Variants in BTN1A1 observed in about 807,000 individuals in gnomAD.
BTN1A1 encodes butyrophilin subfamily 1 member A1, also known as bK14H9.2 (butyrophilin, subfamily 1, member A1).
Under a neutral mutation model 33.1 loss-of-function variants are expected in BTN1A1, and 26 were observed. The observed-to-expected ratio is 0.79, with a 90% CI of 0.58 to 1.09. The LOEUF is 1.09. Ranked by LOEUF, BTN1A1 falls within the 50% of genes least tolerant of loss-of-function variation. BTN1A1 has a pLI of 0.00. For missense variants in BTN1A1, 558 were observed against 655.7 expected, an observed-to-expected ratio of 0.85 and a Z score of 1.63; for synonymous variants, 235 against 256.2, an observed-to-expected ratio of 0.92 and a Z score of 0.79.
chr6:26,503,078 G>A (rs143520214), intron 3 of BTN1A1, among the ~76,000 whole-genome samples: 1 of 152,096 alleles, frequency 6.6e-6, no homozygotes. Flanking sequence ...TAATCTCAGC[G>A]CTTTGGGAAG....
In BTN1A1 at chr6:26,508,593, C is replaced by G; in HGVS notation, c.1000C>G (p.Leu334Val). The part of the protein sequence containing the change: ...SVRLEDSRQK[L>V]PEKTERFDSW... The stretch of plus-strand genomic sequence containing the variant: ...TCGACTGGAAGATTCACGTCAGAAA[C>G]TGCCTGAGAAAACAGAGAGATTTGA... The change falls in exon 8 of 8, where the codon CTG (leucine) becomes GTG (valine). Residue 334 changes from leucine (L) to valine (V), a missense_variant. Physicochemically the swap from Leu to Val is conservative, Grantham distance 32. Transcript: ENST00000684113. 1 of 1,614,186 alleles carries G rather than the reference C, an allele frequency of 6.2e-7. No individual in the cohort carries two copies. The highest frequency in any genetic ancestry group is 1.1e-5 in the South Asian group (1 of 91,086).
At position 26,507,973 on chromosome 6, in the gene BTN1A1, A is replaced by G. The variant is rs780443020; in HGVS notation, c.880+3A>G. 2.8e-5 allele frequency: 45 copies of G among 1,613,948 alleles called. No individual in the cohort carries two copies. Among genetic ancestry groups the G allele is most frequent in the Admixed American group, 8.3e-5 (5 of 59,998 alleles). On this transcript the variant is annotated splice_donor_region_variant and intron_variant, in intron 6 of 7. Coordinates refer to ENST00000684113, the MANE Select transcript of BTN1A1 (RefSeq NM_001732.3). Reference sequence around the variant, plus strand: ...AGAGAGACTCCTGGAAGAACTCAGTAAGTTCTGTCTTCTTGTTATTTCACC... The same window carrying G: ...AGAGAGACTCCTGGAAGAACTCAGTGAGTTCTGTCTTCTTGTTATTTCACC...
intron 4 of BTN1A1, 64 bp from the exon 5 acceptor site, chr6:26,506,619 T>C: frequency 6.4e-7 from 1 of 1,558,152 alleles, no homozygotes; most frequent in East Asian, 2.2e-5. Flanking sequence ...CTTTGGAATG[T>C]GGAGAAAAGC....
chr6:26,501,594 C>G lies in BTN1A1; in HGVS notation c.84C>G (p.Pro28=). ...LLQLPKLDSA[P]FDVIGPPEPI... ...ATCCCGCTCGTTTTTCGGCAGCTCC[C>G]TTTGACGTGATTGGACCCCCGGAGC... Residue 28 remains proline (P), a synonymous_variant, in exon 3 of 8, where the codon CCC becomes CCG. Transcript: ENST00000684113. The surrounding 1 kb of genome is among the most constrained non-coding windows in gnomAD (Gnocchi z 5.2). The G allele has an allele frequency of 6.2e-7, 1 of 1,613,438 alleles. No individual in the cohort carries two copies.
In BTN1A1 at chr6:26,502,448, T is replaced by G. The variant is rs959986938; in HGVS notation, c.427+511T>G. On this transcript the variant is annotated intron_variant, in intron 3 of 7. Coordinates refer to ENST00000684113, the MANE Select transcript of BTN1A1 (RefSeq NM_001732.3). ...CTCTTTGTTTTCCCCTGATTAGGAC[T>G]CCACAGCTAGAAGGTACTGAAGGTC... Among the ~76,000 whole-genome samples, 19 of 152,270 alleles carry G rather than the reference T, an allele frequency of 1.2e-4. 1 individual carries two copies. The South Asian group carries it at 1.7e-3, about 13-fold the overall frequency.
chr6:26,509,415 C>A lies in BTN1A1; in HGVS notation c.*241C>A. The A allele has an allele frequency of 2.0e-6, 1 of 492,160 alleles. No homozygotes were observed. 30.5% of individuals were successfully genotyped at this position (492,160 alleles called of 1,614,324 possible). On this transcript the variant is annotated 3_prime_UTR_variant, in exon 8 of 8. Transcript: ENST00000684113. ...AACTGCTTCTAGTGTTCTCCTAATC[C>A]CTTAAGACTAGAACCTATAGGAAAC...
Position 26,501,598 on chromosome 6 carries a change from G to T in BTN1A1, c.88G>T (p.Asp30Tyr). 3.1e-6 allele frequency: 5 copies of T among 1,613,458 alleles called. No homozygotes were observed. The highest frequency in any genetic ancestry group is 4.2e-6 in the Non-Finnish European group (5 of 1,179,762). Residue 30 changes from aspartate (D) to tyrosine (Y), a missense_variant, in exon 3 of 8, where the codon GAC becomes TAC. Coordinates refer to ENST00000684113, the MANE Select transcript of BTN1A1 (RefSeq NM_001732.3). This position sits in a 1 kb window ranked among gnomAD's most constrained non-coding sequence, Gnocchi z 5.2. ...QLPKLDSAPF[D>Y]VIGPPEPILA... is the part of the protein sequence containing the mutation. ...CGCTCGTTTTTCGGCAGCTCCCTTTGACGTGATTGGACCCCCGGAGCCCAT... is the reference window on the plus strand; with the variant it reads ...CGCTCGTTTTTCGGCAGCTCCCTTTTACGTGATTGGACCCCCGGAGCCCAT...
Position 26,501,152 on chromosome 6 carries a change from G to A in BTN1A1, c.-57-78G>A. 2 of 736,954 alleles carry A rather than the reference G, an allele frequency of 2.7e-6. No individual in the cohort carries two copies. Among genetic ancestry groups the A allele is most frequent in the Admixed American group, 4.3e-5 (2 of 45,998 alleles). 45.7% of individuals were successfully genotyped at this position (736,954 alleles called of 1,614,324 possible). On this transcript the variant is annotated intron_variant, in intron 1 of 7. Transcript: ENST00000684113. This position sits in a 1 kb window ranked among gnomAD's most constrained non-coding sequence, Gnocchi z 5.2. ...CAAATGACCAGAACACTTGCAGCTG[G>A]AAAGAACTGTAGAGAGGACTTTGGA...
chr6:26,503,444 G>A (rs1471336668), intron 3 of BTN1A1, among the ~76,000 whole-genome samples: 1 of 151,446 alleles, frequency 6.6e-6, no homozygotes, highest in Non-Finnish European at 1.5e-5. Flanking sequence ...CTCCAGCCTG[G>A]GCAACAGAGT....
At position 26,508,553 on chromosome 6, in the gene BTN1A1, G is replaced by A. The variant is rs1272778371; in HGVS notation, c.960G>A (p.Glu320=). 4.3e-6 allele frequency: 7 copies of A among 1,613,954 alleles called. No homozygotes were observed. The highest frequency in any genetic ancestry group is 5.9e-6 in the Non-Finnish European group (7 of 1,180,050). Residue 320 remains glutamate (E), a synonymous_variant, in exon 8 of 8, where the codon GAG becomes GAA. Transcript: ENST00000684113. ...CTCATCCCCACCTCTTTCTTTATGAGGATTCAAAATCTGTTCGACTGGAAG... is the reference window on the plus strand; with the variant it reads ...CTCATCCCCACCTCTTTCTTTATGAAGATTCAAAATCTGTTCGACTGGAAG... ...DTAHPHLFLY[E]DSKSVRLEDS... is the part of the protein sequence containing the mutation.
At chr6:26,502,289 C>G (rs1365061356) in intron 3 of BTN1A1, among the ~76,000 whole-genome samples, 1 of 152,154 alleles carries the variant, frequency 6.6e-6, no homozygotes, top group Admixed American at 6.5e-5. Flanking sequence ...ATCTATAAGG[C>G]AAAGGTTGCA....
intron 3 of BTN1A1, among the ~76,000 whole-genome samples, chr6:26,502,471 G>C (rs528001706): frequency 1.3e-5 from 2 of 152,184 alleles, no homozygotes; most frequent in Non-Finnish European, 2.9e-5. Context: ...GGTACTGAAG[G>C]TCCTACAGTA....
intron 4 of BTN1A1, among the ~76,000 whole-genome samples, chr6:26,505,988 G>A (rs1226848660): frequency 1.3e-5 from 2 of 151,856 alleles, no homozygotes; most frequent in East Asian, 1.9e-4. Flanking sequence ...GCATGGTGGC[G>A]GGTGCCTGTA....
In BTN1A1 at chr6:26,505,123, G is replaced by T. The variant is rs750964472; in HGVS notation, c.626G>T (p.Arg209Ile). The change falls in exon 4 of 8, where the codon AGA (arginine) becomes ATA (isoleucine). Residue 209 changes from arginine (R) to isoleucine (I), a missense_variant. Coordinates refer to ENST00000684113, the MANE Select transcript of BTN1A1 (RefSeq NM_001732.3). ...ACTGTGGCTGCTTCAGTGATCATCA[G>T]AGACACTTCTGCGAAAAATGTGTCC... is the stretch of plus-strand genomic sequence containing the variant. ...LFTVAASVII[R>I]DTSAKNVSCY... 1.2e-6 allele frequency: 2 copies of T among 1,614,074 alleles called. No individual in the cohort carries two copies. The highest frequency in any genetic ancestry group is 1.7e-6 in the Non-Finnish European group (2 of 1,179,934).
chr6:26,506,370 C>T (rs185250549), intron 4 of BTN1A1, among the ~76,000 whole-genome samples: 2 of 152,248 alleles, frequency 1.3e-5, no homozygotes, highest in African/African-American at 4.8e-5. Context: ...CTCCTTCATC[C>T]TCTTGGCTCC....
At chr6:26,502,074 C>T (rs1763808531) in intron 3 of BTN1A1, 137 bp downstream of exon 3, 1 of 1,306,928 alleles carries the variant, frequency 7.7e-7, no homozygotes, top group Non-Finnish European at 9.8e-7. Context: ...GGACGACTAT[C>T]TGGGCGGGAG....
chr6:26,507,892 G>T, intron 5 of BTN1A1, 58 bp from the exon 6 acceptor site: 1 of 1,582,400 alleles, frequency 6.3e-7, no homozygotes, highest in South Asian at 1.1e-5. Flanking sequence ...CACGAGTTTT[G>T]TCCCCTCCTT....
Position 26,501,691 on chromosome 6 carries a change from T to C in BTN1A1, c.181T>C (p.Leu61=). The C allele has an allele frequency of 1.2e-6, 2 of 1,614,012 alleles. No homozygotes were observed. The highest frequency in any genetic ancestry group is 2.2e-5 in the South Asian group (2 of 91,088). ...RLSPNASAEH[L]ELRWFRKKVS... ...GTCTCCGAACGCGAGCGCCGAGCAC[T>C]TGGAGCTACGCTGGTTCCGAAAGAA... The change falls in exon 3 of 8, where the codon TTG becomes CTG. Residue 61 remains leucine, a synonymous_variant. Coordinates refer to ENST00000684113, the MANE Select transcript of BTN1A1 (RefSeq NM_001732.3). This position sits in a 1 kb window ranked among gnomAD's most constrained non-coding sequence, Gnocchi z 5.2.
intron 4 of BTN1A1, 124 bp downstream of exon 4, chr6:26,505,330 C>A: frequency 9.9e-7 from 1 of 1,014,164 alleles, no homozygotes; most frequent in African/African-American, 1.6e-5. Context: ...AAGCTCTTTT[C>A]CAGTGACTTA....
Sources: allele counts gnomAD v4.1 joint callset (sites outside exome capture counted in the v4.1 genomes callset), GRCh38; gene constraint gnomAD v4.1.1; non-coding constraint Gnocchi (gnomAD v3.1); transcripts MANE v1.5; gene names NCBI Gene and HGNC (gene_info 2026-07-23, HGNC 2026-07-21).